KCNQ5: variants seen among roughly 807,000 people sequenced by gnomAD.
KCNQ5 encodes potassium voltage-gated channel subfamily KQT member 5.
KCNQ5 carries 30 observed loss-of-function variants against 98.2 expected under a neutral mutation model. The ratio of observed to expected loss-of-function variants is 0.31; its 90% CI spans 0.23 to 0.41. KCNQ5 has a LOEUF of 0.41. Among genes scored for constraint, KCNQ5 ranks in the 10% least tolerant of loss-of-function variants. The pLI is 1.00. For synonymous variants in KCNQ5, 458 were observed against 449.4 expected (o/e 1.02, Z -0.24); for missense variants, 835 against 1,182.5 (o/e 0.71, Z 4.31).
intron 3 of KCNQ5, among the ~76,000 whole-genome samples, chr6:73,069,866 A>C (rs1773228251): frequency 6.6e-6 from 1 of 152,226 alleles, no homozygotes; most frequent in Non-Finnish European, 1.5e-5. Flanking sequence ...TAACATTTTC[A>C]TGTGGTAGTA....
chr6:73,042,183 G>A (rs767387042), intron 3 of KCNQ5, 121 bp downstream of exon 3: 9 of 1,134,544 alleles, frequency 7.9e-6, no homozygotes, highest in South Asian at 2.5e-5. Flanking sequence ...ATCATGGACC[G>A]GGCACTCTTG....
intron 1 of KCNQ5, among the ~76,000 whole-genome samples, chr6:72,684,995 C>T (rs1192214549): frequency 6.6e-6 from 1 of 152,090 alleles, no homozygotes; most frequent in Non-Finnish European, 1.5e-5. Flanking sequence ...TTGTCCCTCC[C>T]TCTATATTGT....
intron 1 of KCNQ5, among the ~76,000 whole-genome samples, chr6:72,936,376 AT>A (rs1765917825): frequency 6.6e-6 from 1 of 152,228 alleles, no homozygotes; most frequent in Admixed American, 6.5e-5. Context: ...CAAGGAGCTC[AT>A]CTGACTTATT....
chr6:72,722,598 C>A (rs77678417), intron 1 of KCNQ5, among the ~76,000 whole-genome samples: 1,754 of 152,220 alleles, frequency 0.012, 28 homozygotes, highest in African/African-American at 0.039. Flanking sequence ...TAGAAGTGAA[C>A]TGACATGGTG....
At chr6:73,091,844 T>C (rs1179363572) in intron 5 of KCNQ5, among the ~76,000 whole-genome samples, 4 of 152,186 alleles carry the variant, frequency 2.6e-5, no homozygotes, top group Non-Finnish European at 5.9e-5. Context: ...AATTTTATCA[T>C]TGTTTTTTCT....
chr6:73,052,364 C>T (rs534089721), intron 3 of KCNQ5, among the ~76,000 whole-genome samples: 2 of 152,274 alleles, frequency 1.3e-5, no homozygotes, highest in South Asian at 2.1e-4. Context: ...GAGAGGCCAA[C>T]ATTCAAATTG....
intron 1 of KCNQ5, among the ~76,000 whole-genome samples, chr6:72,953,215 A>G (rs758460296): frequency 2.0e-5 from 3 of 152,218 alleles, no homozygotes; most frequent in Non-Finnish European, 4.4e-5. Context: ...CTGGACACAC[A>G]TTTTATCCAG....
chr6:73,164,233 G>C (rs549458383), intron 10 of KCNQ5, among the ~76,000 whole-genome samples: 4 of 152,174 alleles, frequency 2.6e-5, no homozygotes, highest in African/African-American at 9.6e-5. Context: ...TGAGGACTTG[G>C]TGTACTTATG....
Position 72,622,071 on chromosome 6 carries a change from T to C in KCNQ5, c.-119T>C, listed in dbSNP as rs1024518673. On this transcript the variant is annotated 5_prime_UTR_variant, in exon 1 of 14. Coordinates refer to ENST00000370398, the MANE Select transcript of KCNQ5 (RefSeq NM_019842.4). This position sits in a 1 kb window ranked among gnomAD's most constrained non-coding sequence, Gnocchi z 6.0. ...CTTCCCCGCCCCCGGCTCAGAGGTCTCTGGCTGGCGGGCGCCCCGTCGGCC... is the reference window on the plus strand; with the variant it reads ...CTTCCCCGCCCCCGGCTCAGAGGTCCCTGGCTGGCGGGCGCCCCGTCGGCC... The C allele has an allele frequency of 1.8e-5, 16 of 879,428 alleles. No individual in the cohort carries two copies. In the South Asian group the frequency reaches 5.3e-4, roughly 29 times the overall value. The allele number at this position is 879,428 out of a possible 1,614,324, so 54.5% of individuals were successfully genotyped here.
At chr6:72,767,258 A>T (rs1289694097) in intron 1 of KCNQ5, among the ~76,000 whole-genome samples, 3 of 152,068 alleles carry the variant, frequency 2.0e-5, no homozygotes, top group South Asian at 2.1e-4. Context: ...AAATCAGTTA[A>T]TGGTGTTAGG....
chr6:72,764,126 A>G (rs534589663), intron 1 of KCNQ5, among the ~76,000 whole-genome samples: 43 of 152,110 alleles, frequency 2.8e-4, no homozygotes, highest in Middle Eastern at 3.4e-3. Flanking sequence ...TGCCAAGGTC[A>G]TACTTAGAAC....
chr6:73,034,847 T>C (rs1002496646), intron 2 of KCNQ5, among the ~76,000 whole-genome samples: 3,771 of 147,612 alleles, frequency 0.026, 139 homozygotes, highest in African/African-American at 0.089. Context: ...TTCTTTTTTT[T>C]TTTTTTTTTT....
chr6:72,905,691 C>T (rs571390133), intron 1 of KCNQ5, among the ~76,000 whole-genome samples: 1 of 152,106 alleles, frequency 6.6e-6, no homozygotes, highest in South Asian at 2.1e-4. Flanking sequence ...TGGGGGTTGT[C>T]GGCACAGGTT....
At chr6:72,978,911 A>T (rs1428647602) in intron 1 of KCNQ5, among the ~76,000 whole-genome samples, 1 of 151,922 alleles carries the variant, frequency 6.6e-6, no homozygotes, top group East Asian at 1.9e-4. Flanking sequence ...CCCGCCTGTG[A>T]GTGAGAACAT....
At chr6:72,679,339 A>G (rs1767575661) in intron 1 of KCNQ5, among the ~76,000 whole-genome samples, 1 of 152,152 alleles carries the variant, frequency 6.6e-6, no homozygotes, top group Admixed American at 6.5e-5. Context: ...TCCAACAAAG[A>G]TAGACTGGAT....
chr6:72,737,046 C>T (rs868462994), intron 1 of KCNQ5, among the ~76,000 whole-genome samples: 4 of 151,894 alleles, frequency 2.6e-5, no homozygotes, highest in Admixed American at 6.6e-5. Context: ...CTGCAACCTC[C>T]TCCTCCCGGG....
chr6:72,687,078 T>C (rs1767996470), intron 1 of KCNQ5, among the ~76,000 whole-genome samples: 2 of 152,174 alleles, frequency 1.3e-5, no homozygotes, highest in African/African-American at 4.8e-5. Context: ...ACTCTTGTAT[T>C]TAATTTACAG....
At chr6:72,844,715 C>T (rs1287455289) in intron 1 of KCNQ5, among the ~76,000 whole-genome samples, 1 of 152,086 alleles carries the variant, frequency 6.6e-6, no homozygotes, top group East Asian at 1.9e-4. Context: ...AAAAGTAAAA[C>T]AAATTGTAAA....
intron 1 of KCNQ5, among the ~76,000 whole-genome samples, chr6:72,758,184 A>G (rs1424748518): frequency 1.3e-5 from 2 of 152,002 alleles, no homozygotes; most frequent in Non-Finnish European, 2.9e-5. Context: ...TCTCATCCAC[A>G]TGACACATAT....
Sources: gnomAD v4.1 joint callset for allele counts (sites outside exome capture counted in the v4.1 genomes callset) on GRCh38, gnomAD v4.1.1 for gene constraint, Gnocchi (gnomAD v3.1) non-coding constraint, MANE v1.5 for transcripts, NCBI Gene and HGNC (gene_info 2026-07-23, HGNC 2026-07-21) for gene names.